HS3ST5: variants seen among roughly 807,000 people sequenced by gnomAD.
HS3ST5 encodes the protein heparan sulfate glucosamine 3-O-sulfotransferase 5.
HS3ST5 carries 10 observed loss-of-function variants against 25.4 expected under a neutral mutation model. That is an observed-to-expected ratio of 0.39 (90% confidence interval 0.24 to 0.67). HS3ST5 has a LOEUF of 0.67. HS3ST5 is among the 30% of genes least tolerant of loss of function. The pLI is 0.44. For synonymous variants in HS3ST5, 170 were observed against 162.4 expected (o/e 1.05, Z -0.36); for missense variants, 324 against 420.7 (o/e 0.77, Z 2.01).
rs1772841452 is a variant in HS3ST5, at chr6:114,057,600, A to T, written c.698T>A (p.Ile233Asn). 1 of 1,614,198 alleles carries T rather than the reference A, an allele frequency of 6.2e-7. No homozygotes were observed. The highest frequency in any genetic ancestry group is 8.5e-7 in the Non-Finnish European group (1 of 1,180,032). ...CCACCTTTCCAGATGTTTGGTGTAG[A>T]TGCTGGTTCTTACTGCTTTGTATTT... The part of the protein sequence containing the change: ...NTKYKAVRTS[I>N]YTKHLERWLK... The change falls in exon 5 of 5, where the codon ATC becomes AAC. Residue 233 changes from isoleucine (I) to asparagine (N), a missense_variant. Around this residue, in one of 2 missense-constraint regions of HS3ST5, gnomAD observed 203 missense variants for 303.4 expected, o/e 0.67. Coordinates refer to ENST00000312719, the MANE Select transcript of HS3ST5 (RefSeq NM_153612.4).
chr6:114,141,285 T>A (rs542557456), intron 3 of HS3ST5, among the ~76,000 whole-genome samples: 4 of 152,312 alleles, frequency 2.6e-5, no homozygotes, highest in African/African-American at 9.6e-5. Context: ...CTAAAAACAG[T>A]CCAGTGTATT....
intron 3 of HS3ST5, among the ~76,000 whole-genome samples, chr6:114,099,835 C>G (rs1775634366): frequency 6.6e-6 from 1 of 152,062 alleles, no homozygotes; most frequent in African/African-American, 2.4e-5. Context: ...GCTGAAATCC[C>G]CACAGATATG....
intron 1 of HS3ST5, among the ~76,000 whole-genome samples, chr6:114,264,251 T>C (rs1026458477): frequency 1.3e-5 from 2 of 152,218 alleles, no homozygotes; most frequent in Non-Finnish European, 2.9e-5. Context: ...TCTAGACCTT[T>C]GTTCTTATAA....
chr6:114,141,641 G>A (rs1002301635), intron 3 of HS3ST5, among the ~76,000 whole-genome samples: 7 of 152,174 alleles, frequency 4.6e-5, no homozygotes, highest in Non-Finnish European at 1.0e-4. Context: ...AAGTATGACA[G>A]TTTTAATTTT....
chr6:114,117,060 C>T (rs1443580645), intron 3 of HS3ST5, among the ~76,000 whole-genome samples: 2 of 151,934 alleles, frequency 1.3e-5, no homozygotes, highest in Non-Finnish European at 2.9e-5. Context: ...TCATTTTTAC[C>T]AGGAATTCAA....
chr6:114,232,635 C>T (rs1010364151), intron 1 of HS3ST5, among the ~76,000 whole-genome samples: 7 of 152,278 alleles, frequency 4.6e-5, no homozygotes, highest in African/African-American at 1.7e-4. Context: ...TAAACAGCCC[C>T]ATCAGTCATC....
intron 1 of HS3ST5, among the ~76,000 whole-genome samples, chr6:114,295,206 A>C (rs1774764313): frequency 6.6e-6 from 1 of 152,242 alleles, no homozygotes; most frequent in African/African-American, 2.4e-5. Flanking sequence ...ACAGAAAATA[A>C]GGGGAAAAAT....
At chr6:114,201,480 T>C (rs1781011619) in intron 2 of HS3ST5, among the ~76,000 whole-genome samples, 1 of 152,152 alleles carries the variant, frequency 6.6e-6, no homozygotes, top group South Asian at 2.1e-4. Context: ...AGTCAAACTG[T>C]TCTTTTAATA....
chr6:114,205,928 C>T (rs551657398), intron 2 of HS3ST5, among the ~76,000 whole-genome samples: 4 of 152,212 alleles, frequency 2.6e-5, no homozygotes, highest in African/African-American at 9.6e-5. Context: ...AACCCCCAAC[C>T]CTACGATTCA....
chr6:114,256,595 A>G (rs1011350491), intron 1 of HS3ST5, among the ~76,000 whole-genome samples: 1 of 152,146 alleles, frequency 6.6e-6, no homozygotes, highest in African/African-American at 2.4e-5. Flanking sequence ...CATTTACTCC[A>G]GTTGCCAACA....
chr6:114,095,910 C>T (rs1775399284), intron 3 of HS3ST5, among the ~76,000 whole-genome samples: 1 of 152,134 alleles, frequency 6.6e-6, no homozygotes, highest in Admixed American at 6.6e-5. Flanking sequence ...CTACCTCTCA[C>T]TCTGTATTTC....
At chr6:114,176,151 G>C (rs1488970402) in intron 2 of HS3ST5, among the ~76,000 whole-genome samples, 2 of 151,942 alleles carry the variant, frequency 1.3e-5, no homozygotes, top group Non-Finnish European at 2.9e-5. Flanking sequence ...CTCAAGAACT[G>C]TTCTCCCCAC....
chr6:114,275,176 C>A (rs1773796973), intron 1 of HS3ST5, among the ~76,000 whole-genome samples: 1 of 151,370 alleles, frequency 6.6e-6, no homozygotes, highest in Non-Finnish European at 1.5e-5. Context: ...TAGGTATGTT[C>A]CAGAGTTTAA....
chr6:114,273,498 G>C (rs548600638), intron 1 of HS3ST5, among the ~76,000 whole-genome samples: 18 of 152,084 alleles, frequency 1.2e-4, no homozygotes, highest in African/African-American at 4.3e-4. Flanking sequence ...ATCATTAAAG[G>C]AGTGAGAAGA....
chr6:114,293,534 A>G (rs1774676356), intron 1 of HS3ST5, among the ~76,000 whole-genome samples: 1 of 152,188 alleles, frequency 6.6e-6, no homozygotes, highest in African/African-American at 2.4e-5. Flanking sequence ...AGACTGTTGT[A>G]GTAAAATGAG....
intron 3 of HS3ST5, among the ~76,000 whole-genome samples, chr6:114,120,542 C>CA (rs1181176931): frequency 1.3e-5 from 2 of 151,830 alleles, no homozygotes; most frequent in African/African-American, 4.8e-5. Context: ...ATCTCACACA[C>CA]AAAAAATACT....
At chr6:114,061,763 A>T (rs952428250) in intron 4 of HS3ST5, among the ~76,000 whole-genome samples, 1 of 152,176 alleles carries the variant, frequency 6.6e-6, no homozygotes, top group African/African-American at 2.4e-5. Flanking sequence ...CAGCCTGGCC[A>T]ACACAGTGAA....
intron 1 of HS3ST5, among the ~76,000 whole-genome samples, chr6:114,334,946 C>G (rs928267716): frequency 2.0e-5 from 3 of 152,078 alleles, no homozygotes; most frequent in African/African-American, 7.2e-5. Context: ...TACACAAAGT[C>G]AAGAAATTGA....
intron 3 of HS3ST5, chr6:114,116,191 T>A (rs1203153768): frequency 6.6e-6 from 1 of 152,068 alleles, no homozygotes; most frequent in Non-Finnish European, 1.5e-5. Context: ...GTAAGAACTG[T>A]CTAAATGTTA....
Sources: allele counts gnomAD v4.1 joint callset (sites outside exome capture counted in the v4.1 genomes callset), GRCh38; gene constraint gnomAD v4.1.1; regional missense constraint gnomAD v4.1.1; transcripts MANE v1.5; gene names NCBI Gene and HGNC (gene_info 2026-07-23, HGNC 2026-07-21).